FRMD5: variants seen among roughly 807,000 people sequenced by gnomAD.
FRMD5 encodes FERM domain-containing protein 5.
In FRMD5, 20 loss-of-function variants were observed where a neutral mutation model predicts 69.0. That is an observed-to-expected ratio of 0.29 (90% CI 0.20 to 0.42). The LOEUF (loss-of-function observed/expected upper bound fraction) is 0.42. FRMD5 is among the 10% of genes least tolerant of loss of function. The pLI, the probability that FRMD5 is intolerant of heterozygous loss-of-function variation, is 1.00. For missense variants in FRMD5, 595 were observed against 708.6 expected, an observed-to-expected ratio of 0.84 and a Z score of 1.82; for synonymous variants, 271 against 260.1, an observed-to-expected ratio of 1.04 and a Z score of -0.40.
intron 2 of FRMD5, among the ~76,000 whole-genome samples, chr15:43,920,372 A>G (rs567188778): frequency 4.6e-5 from 7 of 152,186 alleles, no homozygotes; most frequent in Non-Finnish European, 8.8e-5. Flanking sequence ...TGTGTTAGAA[A>G]ACACATACTC....
At chr15:43,963,808 A>C (rs1461577563) in intron 1 of FRMD5, among the ~76,000 whole-genome samples, 1 of 152,178 alleles carries the variant, frequency 6.6e-6, no homozygotes, top group Non-Finnish European at 1.5e-5. Context: ...TTGCAAGGAC[A>C]AAAAACCAAA....
intron 1 of FRMD5, among the ~76,000 whole-genome samples, chr15:44,025,924 C>T (rs543610706): frequency 2.6e-5 from 4 of 152,290 alleles, no homozygotes; most frequent in Admixed American, 2.6e-4. Context: ...TTTACTTATA[C>T]AGGCTCTGGC....
At chr15:44,035,071 T>C (rs745941505) in intron 1 of FRMD5, among the ~76,000 whole-genome samples, 1 of 152,144 alleles carries the variant, frequency 6.6e-6, no homozygotes, top group African/African-American at 2.4e-5. Flanking sequence ...TAAGACCTGG[T>C]ACTATATTTA....
intron 1 of FRMD5, among the ~76,000 whole-genome samples, chr15:44,022,867 A>G (rs1188367507): frequency 6.6e-6 from 1 of 152,166 alleles, no homozygotes; most frequent in African/African-American, 2.4e-5. Context: ...CGTTTTTCAT[A>G]TAGTCAAGTA....
At chr15:44,019,159 T>C (rs982723623) in intron 1 of FRMD5, among the ~76,000 whole-genome samples, 3 of 152,118 alleles carry the variant, frequency 2.0e-5, no homozygotes, top group African/African-American at 7.2e-5. Flanking sequence ...CTCCAAAAGT[T>C]CTGGGATTAC....
intron 1 of FRMD5, among the ~76,000 whole-genome samples, chr15:44,134,192 C>G (rs572074308): frequency 6.6e-4 from 100 of 151,966 alleles, no homozygotes; most frequent in African/African-American, 2.4e-3. Flanking sequence ...ACAGTCATAG[C>G]TGGAACTCCT....
intron 1 of FRMD5, among the ~76,000 whole-genome samples, chr15:44,045,679 T>C: frequency 6.6e-6 from 1 of 152,020 alleles, no homozygotes; most frequent in East Asian, 1.9e-4. Flanking sequence ...AGAAACAAAA[T>C]GATAGGAGTG....
intron 13 of FRMD5, among the ~76,000 whole-genome samples, chr15:43,880,959 T>G (rs2088510059): frequency 6.6e-6 from 1 of 152,202 alleles, no homozygotes; most frequent in Admixed American, 6.5e-5. Context: ...CCTCAGCATG[T>G]CTCAGGATCA....
intron 1 of FRMD5, among the ~76,000 whole-genome samples, chr15:43,972,769 G>A (rs548054619): frequency 6.6e-6 from 1 of 152,270 alleles, no homozygotes; most frequent in South Asian, 2.1e-4. Flanking sequence ...GAGTTTTGTG[G>A]CAAGTTCTTA....
chr15:44,085,832 T>A (rs921553420), intron 1 of FRMD5, among the ~76,000 whole-genome samples: 1 of 152,184 alleles, frequency 6.6e-6, no homozygotes, highest in Non-Finnish European at 1.5e-5. Context: ...GAGCTTTATA[T>A]GTATTATCTC....
chr15:43,997,868 T>A (rs1890008357), intron 1 of FRMD5, among the ~76,000 whole-genome samples: 1 of 152,144 alleles, frequency 6.6e-6, no homozygotes, highest in Admixed American at 6.5e-5. Flanking sequence ...ACAACAAAAA[T>A]ATATGTTCTT....
At chr15:43,916,777 G>A (rs893636494) in intron 4 of FRMD5, among the ~76,000 whole-genome samples, 1 of 142,560 alleles carries the variant, frequency 7.0e-6, no homozygotes. Flanking sequence ...TTACAAAATT[G>A]TATTTTTTTT....
chr15:44,155,534 T>G (rs1483205715), intron 1 of FRMD5, among the ~76,000 whole-genome samples: 1 of 151,988 alleles, frequency 6.6e-6, no homozygotes, highest in Non-Finnish European at 1.5e-5. Context: ...AGAAACTCCA[T>G]TCCTTTATCA....
At chr15:43,949,874 A>G (rs1305635610) in intron 1 of FRMD5, among the ~76,000 whole-genome samples, 7 of 152,094 alleles carry the variant, frequency 4.6e-5, no homozygotes, top group Non-Finnish European at 5.9e-5. Flanking sequence ...GAGTAAGTGC[A>G]CTTCAGGGAG....
At chr15:43,997,742 C>T (rs1472030756) in intron 1 of FRMD5, among the ~76,000 whole-genome samples, 3 of 152,168 alleles carry the variant, frequency 2.0e-5, no homozygotes, top group Non-Finnish European at 2.9e-5. Flanking sequence ...ACACGTCTAT[C>T]TATCTCTACT....
At chr15:43,885,633 A>T (rs2088643919) in intron 11 of FRMD5, 48 bp downstream of exon 11, 3 of 1,488,114 alleles carry the variant, frequency 2.0e-6, no homozygotes, top group Non-Finnish European at 2.8e-6. Flanking sequence ...TTCTCCAGAG[A>T]AGGGTCTGAA....
intron 1 of FRMD5, among the ~76,000 whole-genome samples, chr15:43,964,152 G>C (rs1333056998): frequency 1.3e-5 from 2 of 151,912 alleles, no homozygotes; most frequent in Admixed American, 6.6e-5. Context: ...ATAGATTAAG[G>C]TGATGATTCA....
chr15:44,193,472 T>C (rs887353859), intron 1 of FRMD5, among the ~76,000 whole-genome samples: 11 of 152,224 alleles, frequency 7.2e-5, no homozygotes, highest in African/African-American at 2.2e-4. Context: ...AATGATACAA[T>C]AGGAACAAAA....
chr15:43,924,292 C>A lies in FRMD5; in HGVS notation c.120G>T (p.Gln40His), dbSNP rs1299688585. ...GGTGGCAAAGAAGGTCAAACAGGTACTGGCCTTTGGCATCTCTCTGCAAAG... is the reference window on the plus strand; with the variant it reads ...GGTGGCAAAGAAGGTCAAACAGGTAATGGCCTTTGGCATCTCTCTGCAAAG... ...TCTIQRDAKG[Q>H]YLFDLLCHHL... Residue 40 changes from glutamine (Q) to histidine (H), a missense_variant, in exon 2 of 14, where the codon CAG becomes CAT. By Grantham distance (24) the Gln-to-His change is conservative (BLOSUM62 0). Transcript: ENST00000417257. The A allele has an allele frequency of 1.9e-6, 3 of 1,613,604 alleles. No homozygotes were observed. The Admixed American group carries it at 5.0e-5, about 27-fold the overall frequency.
Sources: allele counts gnomAD v4.1 joint callset (sites outside exome capture counted in the v4.1 genomes callset), GRCh38; gene constraint gnomAD v4.1.1; transcripts MANE v1.5; gene names NCBI Gene and HGNC (gene_info 2026-07-23, HGNC 2026-07-21).